ABCC9: variants seen among roughly 807,000 people sequenced by gnomAD.
ABCC9 encodes the protein ATP binding cassette subfamily C member 9, also known as ATP-binding cassette sub-family C member 9.
In ABCC9, 95 loss-of-function variants were observed where a neutral mutation model predicts 188.3. The ratio of observed to expected loss-of-function variants is 0.50; its 90% CI spans 0.43 to 0.60. The LOEUF is 0.60. Ranked by LOEUF, ABCC9 falls within the 20% of genes least tolerant of loss-of-function variation. The probability of loss-of-function intolerance (pLI) is 0.00; values close to 1 mark genes in which losing one functional copy is unlikely to be tolerated. For synonymous variants in ABCC9, 659 were observed against 652.7 expected (o/e 1.01, Z -0.15); for missense variants, 1,102 against 1,876.3 (o/e 0.59, Z 7.62).
intron 15 of ABCC9, among the ~76,000 whole-genome samples, chr12:21,887,012 T>C (rs1946908220): frequency 6.6e-6 from 1 of 152,136 alleles, no homozygotes; most frequent in Admixed American, 6.6e-5. Flanking sequence ...TGAAACTATG[T>C]TACTGTTTTA....
At chr12:21,819,869 C>A (rs930608136) in intron 31 of ABCC9, among the ~76,000 whole-genome samples, 2 of 152,122 alleles carry the variant, frequency 1.3e-5, no homozygotes, top group African/African-American at 4.8e-5. Flanking sequence ...GCAATAAATT[C>A]CACAGAGGTA....
At chr12:21,903,896 C>T (rs1947897241) in intron 12 of ABCC9, among the ~76,000 whole-genome samples, 1 of 152,184 alleles carries the variant, frequency 6.6e-6, no homozygotes, top group Non-Finnish European at 1.5e-5. Flanking sequence ...CATCAAGCTA[C>T]CAATGACTTT....
intron 5 of ABCC9, among the ~76,000 whole-genome samples, chr12:21,918,759 G>C (rs1948696617): frequency 1.3e-5 from 2 of 152,044 alleles, no homozygotes; most frequent in Non-Finnish European, 2.9e-5. Flanking sequence ...TCTACTGATT[G>C]GAGACCTTCC....
At chr12:21,940,498 G>C (rs1187025371) in intron 2 of ABCC9, among the ~76,000 whole-genome samples, 1 of 152,142 alleles carries the variant, frequency 6.6e-6, no homozygotes. Flanking sequence ...CTATAACTAT[G>C]ACAGATCCAA....
intron 33 of ABCC9, among the ~76,000 whole-genome samples, chr12:21,816,352 G>A (rs1942645921): frequency 6.6e-6 from 1 of 152,056 alleles, no homozygotes; most frequent in South Asian, 2.1e-4. Context: ...TGCTTTCTGT[G>A]TCCTTGGGGA....
At chr12:21,831,004 A>ATCTATCTATCTG (rs1372623945) in intron 30 of ABCC9, 1 of 148,368 alleles carries the variant, frequency 6.7e-6, no homozygotes, top group Non-Finnish European at 1.5e-5. Context: ...CTATCTATCT[A>ATCTATCTATCTG]TCTATCTATC....
At chr12:21,820,737 T>C (rs1046169780) in intron 31 of ABCC9, among the ~76,000 whole-genome samples, 10 of 152,246 alleles carry the variant, frequency 6.6e-5, no homozygotes, top group African/African-American at 1.9e-4. Context: ...GATACCTGGC[T>C]CCTTCCCATC....
Position 21,925,972 on chromosome 12 carries a change from C to T in ABCC9, c.376G>A (p.Glu126Lys), listed in dbSNP as rs1212315529. 6.2e-7 allele frequency: 1 copy of T among 1,613,476 alleles called. No individual in the cohort carries two copies. Among genetic ancestry groups the T allele is most frequent in the Non-Finnish European group, 8.5e-7 (1 of 1,179,472 alleles). Residue 126 changes from glutamate to lysine, a missense_variant, in exon 5 of 40, where the codon GAA (glutamate) becomes AAA (lysine). This residue lies in a region of ABCC9 where 305 missense variants were observed against 573.0 expected (regional missense o/e 0.53). Coordinates refer to ENST00000261200, the MANE Select transcript of ABCC9 (RefSeq NM_020297.4). ...TTSIVYYHNIETSNFPKLLLA... is the reference protein window; with the variant it reads ...TTSIVYYHNIKTSNFPKLLLA... ...AGTAATTTAGGAAAATTTGATGTTTCGATATTATGATAATACACTATCGAT... is the reference window on the plus strand; with the variant it reads ...AGTAATTTAGGAAAATTTGATGTTTTGATATTATGATAATACACTATCGAT...
At chr12:21,817,402 T>C in intron 32 of ABCC9, 95 bp from the exon 33 acceptor site, 1 of 1,173,438 alleles carries the variant, frequency 8.5e-7, no homozygotes, top group South Asian at 1.3e-5. Context: ...ACTTGGACCA[T>C]TAGTGTACAT....
Position 21,917,090 on chromosome 12 carries a change from A to G in ABCC9, c.420T>C (p.Tyr140=), listed in dbSNP as rs397517189. 2.5e-6 allele frequency: 4 copies of G among 1,613,770 alleles called. No individual in the cohort carries two copies. In the South Asian group the frequency reaches 4.4e-5, roughly 18 times the overall value. ...FPKLLLALFL[Y]WVMAFITKTI... ...TTTTTGTAATAAAGGCCATTACCCA[A>G]TACAGGAACAGGGCTGAAAAGAAAA... is the stretch of plus-strand genomic sequence containing the variant. Residue 140 remains tyrosine (Y), a synonymous_variant, in exon 6 of 40, where the codon TAT becomes TAC. Coordinates refer to ENST00000261200, the MANE Select transcript of ABCC9 (RefSeq NM_020297.4).
intron 12 of ABCC9, among the ~76,000 whole-genome samples, chr12:21,902,987 C>A (rs189137911): frequency 0.043 from 6,510 of 151,996 alleles, 281 homozygotes; most frequent in African/African-American, 0.11. Flanking sequence ...GACACACACA[C>A]AAAAAAGAGA....
chr12:21,882,480 A>G (rs777348569), intron 16 of ABCC9, among the ~76,000 whole-genome samples: 1 of 152,244 alleles, frequency 6.6e-6, no homozygotes, highest in Admixed American at 6.5e-5. Context: ...GTTGATAAAC[A>G]TAGGAATACC....
At chr12:21,899,872 C>G (rs566842636) in intron 12 of ABCC9, among the ~76,000 whole-genome samples, 30 of 152,332 alleles carry the variant, frequency 2.0e-4, no homozygotes, top group Middle Eastern at 3.4e-3. Flanking sequence ...TCTGTAGACT[C>G]CACCTCTGGG....
chr12:21,892,651 A>T (rs1947219245), intron 14 of ABCC9, among the ~76,000 whole-genome samples: 2 of 152,218 alleles, frequency 1.3e-5, no homozygotes, highest in Admixed American at 6.5e-5. Flanking sequence ...CTGGTTGTTA[A>T]TGAATGTCTC....
chr12:21,817,148 T>C, intron 33 of ABCC9, 39 bp downstream of exon 33: 1 of 1,600,948 alleles, frequency 6.2e-7, no homozygotes. Flanking sequence ...TTGTTTAAAA[T>C]AAATATTTAA....
Position 21,801,209 on chromosome 12 carries a change from G to A in ABCC9, c.4513-28C>T, listed in dbSNP as rs760801245. ...GTGAGTGAAAAGAAAACATGTATTT[G>A]TTACACATTTCAGGGCACACGCCAA... On this transcript the variant is annotated intron_variant, in intron 39 of 39. Coordinates refer to ENST00000261200, the MANE Select transcript of ABCC9 (RefSeq NM_020297.4). 3.1e-6 allele frequency: 5 copies of A among 1,613,004 alleles called. No individual in the cohort carries two copies. The African/African-American group carries it at 5.3e-5, about 17-fold the overall frequency.
chr12:21,923,903 G>A, intron 5 of ABCC9: 1 of 684,850 alleles, frequency 1.5e-6, no homozygotes, highest in Non-Finnish European at 2.6e-6. Context: ...AAAAAACTAT[G>A]ATATAGTTAT....
intron 5 of ABCC9, among the ~76,000 whole-genome samples, chr12:21,921,166 G>T (rs574742876): frequency 6.6e-6 from 1 of 152,092 alleles, no homozygotes; most frequent in African/African-American, 2.4e-5. Context: ...CATAGTGGTT[G>T]TACTAATTTA....
intron 22 of ABCC9, among the ~76,000 whole-genome samples, chr12:21,857,666 A>G (rs1213473505): frequency 1.3e-5 from 2 of 152,178 alleles, no homozygotes; most frequent in Non-Finnish European, 2.9e-5. Context: ...GGCTGTGAAG[A>G]GAGGAAGACG....
Sources: allele counts gnomAD v4.1 joint callset (sites outside exome capture counted in the v4.1 genomes callset), GRCh38; gene constraint gnomAD v4.1.1; regional missense constraint gnomAD v4.1.1; transcripts MANE v1.5; gene names NCBI Gene and HGNC (gene_info 2026-07-23, HGNC 2026-07-21).